The following STPG1 variants were observed in gnomAD, a reference collection of about 807,000 sequenced individuals.
The protein encoded by STPG1 is O(6)-methylguanine-induced apoptosis 2.
A neutral mutation model predicts 40.1 loss-of-function variants in STPG1; 33 were observed. The ratio of observed to expected loss-of-function variants is 0.82; its 90% confidence interval spans 0.62 to 1.10. The LOEUF is 1.10. Among genes scored for constraint, STPG1 ranks in the 50% least tolerant of loss-of-function variants. The probability of loss-of-function intolerance (pLI) is 0.00; values close to 1 mark genes in which losing one functional copy is unlikely to be tolerated. For missense variants in STPG1, 396 were observed against 415.1 expected, an observed-to-expected ratio of 0.95 and a Z score of 0.40; for synonymous variants, 150 against 155.0, an observed-to-expected ratio of 0.97 and a Z score of 0.24.
chr1:24,394,448 A>G (rs1207670148), intron 2 of STPG1, among the ~76,000 whole-genome samples: 1 of 152,236 alleles, frequency 6.6e-6, no homozygotes, highest in Non-Finnish European at 1.5e-5. Context: ...TTGATAAAAA[A>G]TTAATAGGAG....
In STPG1 at chr1:24,393,308, T is replaced by C. The variant is rs76196869; in HGVS notation, c.71-1629A>G. Among the ~76,000 whole-genome samples the C allele has an allele frequency of 5.6e-3, 859 of 152,352 alleles. 7 individuals carry two copies. The highest frequency in any genetic ancestry group is 0.017 in the East Asian group (88 of 5,196). On this transcript the variant is annotated intron_variant, in intron 2 of 8. Transcript: ENST00000337248. ...TGAATACGTGTTTAAGTAGAAAATA[T>C]TTGGGGATACCAATATACAGTAAAT...
chr1:24,377,051 G>A (rs1468748081), intron 5 of STPG1, among the ~76,000 whole-genome samples: 1 of 151,454 alleles, frequency 6.6e-6, no homozygotes, highest in African/African-American at 2.4e-5. Flanking sequence ...ACGAGGTCAG[G>A]AGTTTGAGAC....
At chr1:24,408,196 G>A (rs1643485114) in intron 1 of STPG1, among the ~76,000 whole-genome samples, 1 of 152,118 alleles carries the variant, frequency 6.6e-6, no homozygotes, top group African/African-American at 2.4e-5. Flanking sequence ...TTTATTCTGG[G>A]AATAATTTAT....
At chr1:24,413,864 G>A (rs1255853929), upstream of STPG1, 1 of 152,254 alleles carries the variant, frequency 6.6e-6, no homozygotes, top group Non-Finnish European at 1.5e-5. Context: ...CAGAGAAGCC[G>A]GCCGAATTTT....
At chr1:24,407,024 T>G (rs767676936) in intron 1 of STPG1, among the ~76,000 whole-genome samples, 16 of 152,176 alleles carry the variant, frequency 1.1e-4, no homozygotes, top group Non-Finnish European at 1.6e-4. Context: ...ATATGGTACT[T>G]CCCCAGTATT....
chr1:24,394,509 CA>C (rs919822214), intron 2 of STPG1, among the ~76,000 whole-genome samples: 4 of 151,762 alleles, frequency 2.6e-5, no homozygotes, highest in African/African-American at 9.7e-5. Context: ...TGATCAAAAC[CA>C]ACTCAGAAAT....
intron 7 of STPG1, among the ~76,000 whole-genome samples, chr1:24,366,335 T>C (rs1641460898): frequency 6.6e-6 from 1 of 151,936 alleles, no homozygotes; most frequent in Non-Finnish European, 1.5e-5. Context: ...CTCAGGGGTC[T>C]ACTGACCTCA....
Position 24,391,554 on chromosome 1 carries a change from T to A in STPG1, c.189+7A>T. The A allele has an allele frequency of 6.7e-7, 1 of 1,489,482 alleles. No individual in the cohort carries two copies. The highest frequency in any genetic ancestry group is 1.4e-5 in the African/African-American group (1 of 71,974). 92.3% of individuals were successfully genotyped at this position (1,489,482 alleles called of 1,614,324 possible). On this transcript the variant is annotated splice_region_variant and intron_variant, in intron 3 of 8. Transcript: ENST00000337248. The stretch of plus-strand genomic sequence containing the variant: ...AAACGAAAGAACCCCTGAGACAACG[T>A]CATTACCTTCTTATGAGGAAATCTC...
chr1:24,360,782 G>A (rs1641053038), intron 8 of STPG1, 69 bp downstream of exon 8: 1 of 1,405,720 alleles, frequency 7.1e-7, no homozygotes, highest in Admixed American at 2.2e-5. Flanking sequence ...AATGGCATTT[G>A]ATGACCCAAG....
chr1:24,364,048 C>T (rs971449572), intron 7 of STPG1: 129 of 1,290,518 alleles, frequency 1.0e-4, no homozygotes, highest in Non-Finnish European at 1.3e-4. Flanking sequence ...CTGCTGCTTC[C>T]GTTTTACCTT....
In STPG1 at chr1:24,359,484, C is replaced by A. The variant is rs1640953584; in HGVS notation, c.929-865G>T. On this transcript the variant is annotated intron_variant, in intron 8 of 8. Coordinates refer to ENST00000337248, the MANE Select transcript of STPG1 (RefSeq NM_001199013.2). This position sits in a 1 kb window ranked among gnomAD's most constrained non-coding sequence, Gnocchi z 5.3. The stretch of plus-strand genomic sequence containing the variant: ...TGAGCCCCAGATCAAACCTCTACAG[C>A]CTTGCTGGTGTGATTATCACCACAT... 6.6e-6 allele frequency among the ~76,000 whole-genome samples: 1 copy of A among 152,228 alleles called. No individual in the cohort carries two copies. The highest frequency in any genetic ancestry group is 1.5e-5 in the Non-Finnish European group (1 of 68,040).
intron 6 of STPG1, among the ~76,000 whole-genome samples, chr1:24,372,501 C>T (rs1237793242): frequency 6.6e-6 from 1 of 152,144 alleles, no homozygotes; most frequent in Non-Finnish European, 1.5e-5. Flanking sequence ...GGAGCAGGGG[C>T]AGACTGTGGA....
intron 2 of STPG1, 56 bp from the exon 3 acceptor site, chr1:24,391,735 T>C: frequency 7.3e-7 from 1 of 1,366,506 alleles, no homozygotes; most frequent in Non-Finnish European, 1.0e-6. Context: ...GATTGACAAA[T>C]GTGGAAAACA....
chr1:24,412,638 G>T (rs1371601501), intron 1 of STPG1, among the ~76,000 whole-genome samples: 1 of 152,128 alleles, frequency 6.6e-6, no homozygotes, highest in Non-Finnish European at 1.5e-5. Flanking sequence ...GGGGAAGGAT[G>T]GCTTGAGACA....
At position 24,391,469 on chromosome 1, in the gene STPG1, A is replaced by G. The variant is rs1231297768; in HGVS notation, c.189+92T>C. 6 of 811,690 alleles carry G rather than the reference A, an allele frequency of 7.4e-6. No individual in the cohort carries two copies. The Admixed American group carries it at 1.5e-4, about 21-fold the overall frequency. The allele number at this position is 811,690 out of a possible 1,614,324, so 50.3% of individuals were successfully genotyped here. ...GGGAGCACACTGCCCTCCACTGTCC[A>G]CAGAAAGACACAGCAGCCAGACAGA... On this transcript the variant is annotated intron_variant, in intron 3 of 8. Coordinates refer to ENST00000337248, the MANE Select transcript of STPG1 (RefSeq NM_001199013.2).
rs182697836 is a variant in STPG1, at chr1:24,394,001, C to T, written c.71-2322G>A. Among the ~76,000 whole-genome samples the T allele has an allele frequency of 4.1e-4, 62 of 152,218 alleles. No homozygotes were observed. The East Asian group carries it at 0.012, about 28-fold the overall frequency. ...CAGCTAAGTTCACAGAGCAGAGTAC[C>T]AGAGAAGAGAGAGCTACCCAGATGG... On this transcript the variant is annotated intron_variant, in intron 2 of 8. Coordinates refer to ENST00000337248, the MANE Select transcript of STPG1 (RefSeq NM_001199013.2).
At chr1:24,404,821 T>C (rs1216287908) in intron 1 of STPG1, among the ~76,000 whole-genome samples, 3 of 152,218 alleles carry the variant, frequency 2.0e-5, no homozygotes, top group Non-Finnish European at 2.9e-5. Flanking sequence ...GGTTTACCAA[T>C]GTATTGATTT....
chr1:24,384,372 C>T lies in STPG1; in HGVS notation c.190-369G>A, dbSNP rs75367610. On this transcript the variant is annotated intron_variant, in intron 3 of 8. Transcript: ENST00000337248. ...GCAGTGATTGGGTAAGCCAGACCCA[C>T]GGCAAGGGAAGGGTGAGCGATTTCA... Among the ~76,000 whole-genome samples, 692 of 152,322 alleles carry T rather than the reference C, an allele frequency of 4.5e-3. 12 individuals carry two copies. The highest frequency in any genetic ancestry group is 0.031 in the East Asian group (159 of 5,184).
chr1:24,358,780 T>C (rs74449398), intron 8 of STPG1, among the ~76,000 whole-genome samples, 161 bp from the exon 9 acceptor site: 5,190 of 152,298 alleles, frequency 0.034, 231 homozygotes, highest in African/African-American at 0.1. Context: ...CCGAGGTTAT[T>C]TGGCTCTTAA....
Sources: gnomAD v4.1 joint callset for allele counts (sites outside exome capture counted in the v4.1 genomes callset) on GRCh38, gnomAD v4.1.1 for gene constraint, Gnocchi (gnomAD v3.1) non-coding constraint, MANE v1.5 for transcripts, NCBI Gene and HGNC (gene_info 2026-07-23, HGNC 2026-07-21) for gene names.